MROH2B: variants seen among roughly 807,000 people sequenced by gnomAD.
MROH2B encodes the protein maestro heat-like repeat-containing protein family member 2B.
In MROH2B, 177 loss-of-function variants were observed where a neutral mutation model predicts 208.6. The ratio of observed to expected loss-of-function variants is 0.85; its 90% CI spans 0.75 to 0.96. MROH2B has a LOEUF of 0.96. Among genes scored for constraint, MROH2B ranks in the 40% least tolerant of loss-of-function variants. The pLI is 0.00. For missense variants in MROH2B, 2,002 were observed against 1,878.7 expected (o/e 1.07, Z -1.21); for synonymous variants, 728 against 659.0 (o/e 1.10, Z -1.60).
In MROH2B at chr5:41,042,188, C is replaced by T. The variant is rs1295394532; in HGVS notation, c.1857G>A (p.Leu619=). 1 of 1,573,902 alleles carries T rather than the reference C, an allele frequency of 6.4e-7. No individual in the cohort carries two copies. The highest frequency in any genetic ancestry group is 1.8e-5 in the Admixed American group (1 of 55,160). The change falls in exon 19 of 42, where the codon TTG becomes TTA. Residue 619 remains leucine, a synonymous_variant. Coordinates refer to ENST00000399564, the MANE Select transcript of MROH2B (RefSeq NM_173489.5). ...STEKKFLWKA[L]GTTLACCQDS... is the part of the protein sequence containing the mutation. ...CTTGGCAGCATGCTAAGGTGGTTCC[C>T]AAGGCTTTCCAAAGGAATTTCTGGA...
At chr5:41,000,586 G>C in intron 38 of MROH2B, 92 bp downstream of exon 38, 1 of 1,465,336 alleles carries the variant, frequency 6.8e-7, no homozygotes, top group Non-Finnish European at 9.1e-7. Context: ...GGTGACTTTA[G>C]ATCTGGCTCC....
chr5:40,998,247 A>G, intron 41 of MROH2B, 89 bp from the exon 42 acceptor site: 1 of 1,012,782 alleles, frequency 9.9e-7, no homozygotes, highest in Non-Finnish European at 1.5e-6. Flanking sequence ...ACTTTTTAGC[A>G]CTGAGGGTCA....
chr5:41,040,859 G>C (rs1663490385), intron 19 of MROH2B, among the ~76,000 whole-genome samples: 1 of 151,960 alleles, frequency 6.6e-6, no homozygotes, highest in Admixed American at 6.6e-5. Flanking sequence ...TAGAGATGGG[G>C]TTTCACTATG....
At chr5:41,051,668 G>C (rs762617261) in intron 12 of MROH2B, 1 of 152,222 alleles carries the variant, frequency 6.6e-6, no homozygotes, top group Non-Finnish European at 1.5e-5. Context: ...AGACCCTGGA[G>C]AGCTAGCTAG....
Position 41,000,846 on chromosome 5 carries a change from A to G in MROH2B, c.4195-13T>C. ...CATCATCCTGCTCCTGTGGTGACGA[A>G]TGCATGTCGTGGTGAATATCCTCTC... On this transcript the variant is annotated splice_polypyrimidine_tract_variant and intron_variant, in intron 37 of 41. Coordinates refer to ENST00000399564, the MANE Select transcript of MROH2B (RefSeq NM_173489.5). 1 of 1,604,402 alleles carries G rather than the reference A, an allele frequency of 6.2e-7. No individual in the cohort carries two copies. Among genetic ancestry groups the G allele is most frequent in the Non-Finnish European group, 8.5e-7 (1 of 1,175,726 alleles).
intron 30 of MROH2B, 77 bp from the exon 31 acceptor site, chr5:41,010,156 C>T (rs77372186): frequency 0.056 from 76,074 of 1,348,408 alleles, 2,499 homozygotes; most frequent in Non-Finnish European, 0.067. Flanking sequence ...AGGTATCTGT[C>T]GTGGATGGGC....
At chr5:41,049,582 A>G in intron 13 of MROH2B, 146 bp from the exon 14 acceptor site, 1 of 915,162 alleles carries the variant, frequency 1.1e-6, no homozygotes, top group Non-Finnish European at 1.6e-6. Flanking sequence ...AGATCATTAA[A>G]GGAAGCCTCT....
At position 41,042,193 on chromosome 5, in the gene MROH2B, C is replaced by T; in HGVS notation, c.1852G>A (p.Ala618Thr). Residue 618 changes from alanine (A) to threonine (T), a missense_variant, in exon 19 of 42, where the codon GCC becomes ACC. Transcript: ENST00000399564. ...CAGCATGCTAAGGTGGTTCCCAAGG[C>T]TTTCCAAAGGAATTTCTGGAAAACA... is the stretch of plus-strand genomic sequence containing the variant. Reference protein sequence around the residue: ...NSTEKKFLWKALGTTLACCQD... With the variant: ...NSTEKKFLWKTLGTTLACCQD... The T allele has an allele frequency of 3.2e-6, 5 of 1,571,566 alleles. No individual in the cohort carries two copies. The highest frequency in any genetic ancestry group is 3.5e-6 in the Non-Finnish European group (4 of 1,155,152).
At chr5:41,067,249 T>A (rs1205306929) in intron 2 of MROH2B, 31 bp from the exon 3 acceptor site, 3 of 1,347,932 alleles carry the variant, frequency 2.2e-6, no homozygotes, top group Admixed American at 4.0e-5. Context: ...ACACAGAAAT[T>A]TGGCTTGCAA....
chr5:41,041,599 G>T (rs143668311), intron 19 of MROH2B, among the ~76,000 whole-genome samples: 2 of 152,104 alleles, frequency 1.3e-5, no homozygotes, highest in Admixed American at 6.5e-5. Context: ...ACTCCACCCC[G>T]GGTGACAGAG....
intron 24 of MROH2B, among the ~76,000 whole-genome samples, chr5:41,027,215 G>A (rs1742396324): frequency 6.6e-6 from 1 of 152,170 alleles, no homozygotes. Flanking sequence ...AAGAACTTCT[G>A]CACAGCAAAA....
intron 24 of MROH2B, among the ~76,000 whole-genome samples, chr5:41,026,559 A>T (rs1371993379): frequency 6.6e-6 from 1 of 152,216 alleles, no homozygotes; most frequent in Non-Finnish European, 1.5e-5. Flanking sequence ...ATGGAAGAAC[A>T]TTCCATGCTC....
At chr5:41,058,350 A>T (rs1473249278) in intron 6 of MROH2B, 147 bp from the exon 7 acceptor site, 1 of 817,178 alleles carries the variant, frequency 1.2e-6, no homozygotes, top group South Asian at 3.2e-5. Context: ...TAAAATCTTT[A>T]AAAAATGTTC....
At chr5:41,009,825 C>A in intron 31 of MROH2B, 97 bp downstream of exon 31, 2 of 1,240,354 alleles carry the variant, frequency 1.6e-6, no homozygotes, top group Non-Finnish European at 1.1e-6. Flanking sequence ...TATTTTCAAC[C>A]TTTGTTTGCT....
intron 24 of MROH2B, among the ~76,000 whole-genome samples, chr5:41,026,322 A>T (rs897936118): frequency 6.6e-6 from 1 of 152,222 alleles, no homozygotes; most frequent in African/African-American, 2.4e-5. Flanking sequence ...TAAGCTGATA[A>T]GCAACTTCAG....
chr5:41,006,552 A>G (rs1741599743), intron 34 of MROH2B, among the ~76,000 whole-genome samples: 1 of 152,244 alleles, frequency 6.6e-6, no homozygotes, highest in African/African-American at 2.4e-5. Flanking sequence ...TTACAGCAGC[A>G]CAATTTGCAA....
chr5:41,001,316 T>G (rs370493568), intron 37 of MROH2B, among the ~76,000 whole-genome samples: 2 of 152,152 alleles, frequency 1.3e-5, no homozygotes, highest in African/African-American at 4.8e-5. Flanking sequence ...GGGCCTTGGT[T>G]CTCAGAGAGG....
intron 21 of MROH2B, among the ~76,000 whole-genome samples, chr5:41,036,129 T>C (rs12521504): frequency 0.3 from 44,536 of 149,108 alleles, 7,139 homozygotes; most frequent in Non-Finnish European, 0.36. Flanking sequence ...ATATTATATA[T>C]ACACACACAC....
At position 41,039,453 on chromosome 5, in the gene MROH2B, A is replaced by G. The variant is rs763563582; in HGVS notation, c.2056T>C (p.Cys686Arg). The change falls in exon 20 of 42, where the codon TGT (cysteine) becomes CGT (arginine). Residue 686 changes from cysteine to arginine, a missense_variant. Cys to Arg is a radical substitution (Grantham distance 180). Coordinates refer to ENST00000399564, the MANE Select transcript of MROH2B (RefSeq NM_173489.5). Reference sequence around the variant, plus strand: ...AAGGAGATGATTCTTCTTACCTTACATCGATTCATGAAAAACTTTTCCTGA... The same window carrying G: ...AAGGAGATGATTCTTCTTACCTTACGTCGATTCATGAAAAACTTTTCCTGA... ...QNQEKFFMNR[C>R]KSLFSGKKSL... 38 of 1,570,792 alleles carry G rather than the reference A, an allele frequency of 2.4e-5. No homozygotes were observed. The highest frequency in any genetic ancestry group is 3.5e-5 in the Admixed American group (2 of 56,442).
Sources: gnomAD v4.1 joint callset for allele counts (sites outside exome capture counted in the v4.1 genomes callset) on GRCh38, gnomAD v4.1.1 for gene constraint, MANE v1.5 for transcripts, NCBI Gene and HGNC (gene_info 2026-07-23, HGNC 2026-07-21) for gene names.